The following SNAP47 variants were observed in gnomAD, a reference collection of about 807,000 sequenced individuals.
The protein encoded by SNAP47 is synaptosomal-associated protein 47.
In SNAP47, 20 loss-of-function variants were observed where a neutral mutation model predicts 31.4. The ratio of observed to expected loss-of-function variants is 0.64; its 90% confidence interval spans 0.45 to 0.93. SNAP47 has a LOEUF of 0.93. SNAP47 is among the 40% of genes least tolerant of loss of function. SNAP47 has a pLI of 0.00. For synonymous variants in SNAP47, 194 were observed against 213.4 expected, an observed-to-expected ratio of 0.91 and a Z score of 0.79; for missense variants, 492 against 528.5, an observed-to-expected ratio of 0.93 and a Z score of 0.68.
At chr1:227,735,273 T>A (rs750988731), upstream of SNAP47, 4 of 1,606,686 alleles carry the variant, frequency 2.5e-6, no homozygotes, top group South Asian at 2.2e-5. Context: ...TCGCGGTCCA[T>A]CCAGCTCAGC....
intron 2 of SNAP47, among the ~76,000 whole-genome samples, chr1:227,755,267 G>A (rs192155453): frequency 2.5e-4 from 38 of 152,232 alleles, no homozygotes; most frequent in Admixed American, 2.1e-3. Flanking sequence ...GCAGTGGCGC[G>A]ATCACAGCTC....
At chr1:227,770,706 A>G (rs915083549) in intron 4 of SNAP47, 6 of 153,458 alleles carry the variant, frequency 3.9e-5, no homozygotes, top group Admixed American at 2.0e-4. Flanking sequence ...GGGAAAAAAC[A>G]TGTGTGTGTA....
intron 2 of SNAP47, among the ~76,000 whole-genome samples, chr1:227,753,862 C>A (rs1055713745): frequency 3.9e-5 from 6 of 152,080 alleles, no homozygotes; most frequent in African/African-American, 1.4e-4. Context: ...TCCAACCCCA[C>A]GACAGCATCT....
rs1661057860 is a variant in SNAP47, at chr1:227,735,469, T to C, written c.-76T>C. 9 of 1,435,990 alleles carry C rather than the reference T, an allele frequency of 6.3e-6. No homozygotes were observed. Among genetic ancestry groups the C allele is most frequent in the Non-Finnish European group, 8.1e-6 (9 of 1,105,852 alleles). 89.0% of individuals were successfully genotyped at this position (1,435,990 alleles called of 1,614,324 possible). On this transcript the variant is annotated 5_prime_UTR_variant, in exon 1 of 5. Coordinates refer to ENST00000617596, the MANE Select transcript of SNAP47 (RefSeq NM_053052.4). ...GCGCCGAGCGGCCGAGGCGCCGCGGTCGGCTCTGGGACTCGTCTGGCGTCC... is the reference window on the plus strand; with the variant it reads ...GCGCCGAGCGGCCGAGGCGCCGCGGCCGGCTCTGGGACTCGTCTGGCGTCC...
At chr1:227,768,710 A>C (rs977191947) in intron 4 of SNAP47, among the ~76,000 whole-genome samples, 4 of 152,124 alleles carry the variant, frequency 2.6e-5, no homozygotes, top group African/African-American at 9.7e-5. Flanking sequence ...AGATACACTC[A>C]CTGCCTCCAG....
chr1:227,733,932 C>A, upstream of SNAP47: 1 of 1,613,910 alleles, frequency 6.2e-7, no homozygotes. Flanking sequence ...CCCGCGTAGA[C>A]AAAGCGGTAG....
chr1:227,751,764 T>C lies in SNAP47; in HGVS notation c.497+3531T>C, dbSNP rs939207879. ...ACTTGGTTTTTTTTTTTTTTTTTTT[T>C]TTTTTTTTTTTTTTTTTGAGACGGA... On this transcript the variant is annotated intron_variant, in intron 2 of 4. Transcript: ENST00000617596. Among the ~76,000 whole-genome samples, 372 of 118,608 alleles carry C rather than the reference T, an allele frequency of 3.1e-3. 14 individuals are homozygous for C. In the South Asian group the frequency reaches 0.058, roughly 18 times the overall value. 77.8% of individuals were successfully genotyped at this position (118,608 alleles called of 152,430 possible).
intron 4 of SNAP47, chr1:227,768,268 A>G (rs1423185222): frequency 1.0e-6 from 1 of 985,282 alleles, no homozygotes; most frequent in Non-Finnish European, 1.2e-6. Flanking sequence ...GGAAAAAGCA[A>G]AGCTGTCTGT....
chr1:227,733,922 C>G, upstream of SNAP47: 1 of 1,613,748 alleles, frequency 6.2e-7, no homozygotes, highest in Non-Finnish European at 8.5e-7. Context: ...GCCCGCAGGC[C>G]CCGCGTAGAC....
chr1:227,753,786 G>A lies in SNAP47; in HGVS notation c.498-5209G>A, dbSNP rs527350663. Among the ~76,000 whole-genome samples, 14 of 152,032 alleles carry A rather than the reference G, an allele frequency of 9.2e-5. 1 individual carries two copies. The highest frequency in any genetic ancestry group is 2.6e-4 in the Admixed American group (4 of 15,296). On this transcript the variant is annotated intron_variant, in intron 2 of 4. Coordinates refer to ENST00000617596, the MANE Select transcript of SNAP47 (RefSeq NM_053052.4). ...CACTGAAGCCAGCCACTGAAGCCAC[G>A]GCTGGCTTCAGTGCCCTGCTGCCCA...
Position 227,762,360 on chromosome 1 carries a change from C to A in SNAP47, c.988+2875C>A, listed in dbSNP as rs1663116039. On this transcript the variant is annotated intron_variant, in intron 3 of 4. Transcript: ENST00000617596. The surrounding 1 kb of genome is among the most constrained non-coding windows in gnomAD (Gnocchi z 4.2). ...GGTGCCCTGCCTGGTGCTATGTTAG[C>A]AAGAAGGCGGCGCCCCGTTTGATGG... Among the ~76,000 whole-genome samples, 2 of 152,222 alleles carry A rather than the reference C, an allele frequency of 1.3e-5. No homozygotes were observed. The highest frequency in any genetic ancestry group is 4.8e-5 in the African/African-American group (2 of 41,462).
chr1:227,729,502 ACT>A (rs1383654522), intron 1 of SNAP47, among the ~76,000 whole-genome samples: 2 of 152,038 alleles, frequency 1.3e-5, no homozygotes, highest in Non-Finnish European at 2.9e-5. Flanking sequence ...TGAGGTTGAC[ACT>A]CTGGAGCATG....
At chr1:227,778,460 C>T (rs1387293719) in intron 4 of SNAP47, among the ~76,000 whole-genome samples, 4 of 152,176 alleles carry the variant, frequency 2.6e-5, no homozygotes, top group African/African-American at 9.7e-5. Flanking sequence ...GTATGGTTGA[C>T]GAGGGACATA....
chr1:227,758,897 A>G, intron 2 of SNAP47, 98 bp from the exon 3 acceptor site: 1 of 1,431,356 alleles, frequency 7.0e-7, no homozygotes, highest in Admixed American at 2.5e-5. Context: ...TAAAATGGCA[A>G]CATGCTTTAC....
At chr1:227,733,020 G>A, upstream of SNAP47, 1 of 1,613,476 alleles carries the variant, frequency 6.2e-7, no homozygotes, top group Non-Finnish European at 8.5e-7. Context: ...GATGGAGATG[G>A]TGTCATCCTG....
chr1:227,759,468 G>A lies in SNAP47; in HGVS notation c.971G>A (p.Cys324Tyr). The A allele has an allele frequency of 6.2e-7, 1 of 1,613,950 alleles. No homozygotes were observed. Residue 324 changes from cysteine (C) to tyrosine (Y), a missense_variant, in exon 3 of 5, where the codon TGC becomes TAC. By Grantham distance (194) the Cys-to-Tyr change is radical (BLOSUM62 -2). Coordinates refer to ENST00000617596, the MANE Select transcript of SNAP47 (RefSeq NM_053052.4). Reference sequence around the variant, plus strand: ...ACCTCTTCCCCCGCAGAGAAGAGCTGCTCAGTCTGGCATGCAGGTTAGTGA... The same window carrying A: ...ACCTCTTCCCCCGCAGAGAAGAGCTACTCAGTCTGGCATGCAGGTTAGTGA... ...ARTSSPAEKS[C>Y]SVWHAASGLM...
chr1:227,753,078 A>C (rs566550820), intron 2 of SNAP47, among the ~76,000 whole-genome samples: 11 of 152,316 alleles, frequency 7.2e-5, no homozygotes, highest in Admixed American at 7.2e-4. Flanking sequence ...CAAAGCAATA[A>C]TTGTGTTCAA....
rs1338798616 is a variant in SNAP47, at chr1:227,762,248, C to A, written c.988+2763C>A. 5.9e-5 allele frequency among the ~76,000 whole-genome samples: 9 copies of A among 152,226 alleles called. No individual in the cohort carries two copies. Among genetic ancestry groups the A allele is most frequent in the Non-Finnish European group, 1.3e-4 (9 of 68,036 alleles). On this transcript the variant is annotated intron_variant, in intron 3 of 4. Transcript: ENST00000617596. This position sits in a 1 kb window ranked among gnomAD's most constrained non-coding sequence, Gnocchi z 4.2. The stretch of plus-strand genomic sequence containing the variant: ...CTTTCACCCCCATGGGCAACCTGGC[C>A]TGTCCAGGTAAGTGCTGGTCTCATG...
intron 2 of SNAP47, among the ~76,000 whole-genome samples, chr1:227,753,736 C>A (rs1421043424): frequency 6.6e-6 from 1 of 152,026 alleles, no homozygotes; most frequent in Non-Finnish European, 1.5e-5. Flanking sequence ...GTTCCCTTGT[C>A]CCCCTCACAG....
Sources: allele counts gnomAD v4.1 joint callset (sites outside exome capture counted in the v4.1 genomes callset), GRCh38; gene constraint gnomAD v4.1.1; non-coding constraint Gnocchi (gnomAD v3.1); transcripts MANE v1.5; gene names NCBI Gene and HGNC (gene_info 2026-07-23, HGNC 2026-07-21).